Variants in NCKAP5L observed in about 807,000 individuals in gnomAD.
The protein encoded by NCKAP5L is NCK associated protein 5 like, also known as nck-associated protein 5-like.
In NCKAP5L, 54 loss-of-function variants were observed where a neutral mutation model predicts 103.2. The observed-to-expected ratio is 0.52, with a 90% CI of 0.42 to 0.66. The LOEUF is 0.66. Ranked by LOEUF, NCKAP5L falls within the 30% of genes least tolerant of loss-of-function variation. The pLI is 0.00. For missense variants in NCKAP5L, 1,733 were observed against 1,750.6 expected (o/e 0.99, Z 0.18); for synonymous variants, 762 against 748.6 (o/e 1.02, Z -0.29).
chr12:49,792,200 C>G lies in NCKAP5L; in HGVS notation c.3793-149G>C. 2 of 1,041,780 alleles carry G rather than the reference C, an allele frequency of 1.9e-6. No individual in the cohort carries two copies. The highest frequency in any genetic ancestry group is 2.8e-6 in the Non-Finnish European group (2 of 707,178). The allele number at this position is 1,041,780 out of a possible 1,614,324, so 64.5% of individuals were successfully genotyped here. On this transcript the variant is annotated intron_variant, in intron 12 of 12. Coordinates refer to ENST00000335999, the MANE Select transcript of NCKAP5L (RefSeq NM_001037806.4). The surrounding 1 kb of genome is among the most constrained non-coding windows in gnomAD (Gnocchi z 4.5). ...TGGGGTATACTTCAGAGGAAACAGG[C>G]TGGAGGTACAACTGAGAACAGTCCT...
chr12:49,803,278 C>A, intron 3 of NCKAP5L, 113 bp from the exon 4 acceptor site: 3 of 951,658 alleles, frequency 3.2e-6, no homozygotes, highest in East Asian at 2.5e-5. Flanking sequence ...TAACTATACC[C>A]CCACTCCAGC....
Position 49,795,577 on chromosome 12 carries a change from C to G in NCKAP5L, c.2283G>C (p.Val761=). ...VYSSHSMGAR[V]DLEPVSPRSC... ...TCCTTGGTGAGACAGGCTCCAGGTC[C>G]ACCCGGGCCCCCATGGAGTGAGAGG... is the stretch of plus-strand genomic sequence containing the variant. The change falls in exon 8 of 13, where the codon GTG becomes GTC. Residue 761 remains valine, a synonymous_variant. Transcript: ENST00000335999. 6.4e-7 allele frequency: 1 copy of G among 1,550,404 alleles called. No individual in the cohort carries two copies. Among genetic ancestry groups the G allele is most frequent in the Non-Finnish European group, 8.7e-7 (1 of 1,151,908 alleles).
chr12:49,796,856 G>C lies in NCKAP5L; in HGVS notation c.1004C>G (p.Thr335Arg). 6.2e-7 allele frequency: 1 copy of C among 1,612,844 alleles called. No individual in the cohort carries two copies. Residue 335 changes from threonine to arginine, a missense_variant, in exon 8 of 13, where the codon ACA becomes AGA. Thr to Arg is a moderately conservative substitution (Grantham distance 71, BLOSUM62 -1). Coordinates refer to ENST00000335999, the MANE Select transcript of NCKAP5L (RefSeq NM_001037806.4). The stretch of plus-strand genomic sequence containing the variant: ...CAGGAAGGCCTGTAGGTAAGACTCT[G>C]TGTCCTCAAGGAGCTGGCCCAGGTT... ...QLNLGQLLED[T>R]ESYLQAFLAG...
rs765745794 is a variant in NCKAP5L at position 49,793,765 on chromosome 12, G to C, written c.3227C>G (p.Pro1076Arg). The change falls in exon 9 of 13, where the codon CCT becomes CGT. Residue 1076 changes from proline to arginine, a missense_variant. Physicochemically the swap from Pro to Arg is moderately radical, Grantham distance 103 (BLOSUM62 -2). Coordinates refer to ENST00000335999, the MANE Select transcript of NCKAP5L (RefSeq NM_001037806.4). ...ACGPRNGLVG[P>R]LQGCGKPPGK... ...AGGAGGTTTTCCGCAGCCCTGAAGAGGGCCCACCAGGCCATTCCGGGGCCC... is the reference window on the plus strand; with the variant it reads ...AGGAGGTTTTCCGCAGCCCTGAAGACGGCCCACCAGGCCATTCCGGGGCCC... 1 of 1,596,360 alleles carries C rather than the reference G, an allele frequency of 6.3e-7. No homozygotes were observed. Among genetic ancestry groups the C allele is most frequent in the Non-Finnish European group, 8.5e-7 (1 of 1,171,354 alleles).
At chr12:49,819,179 G>C (rs1328405122) in intron 1 of NCKAP5L, among the ~76,000 whole-genome samples, 1 of 151,986 alleles carries the variant, frequency 6.6e-6, no homozygotes, top group Non-Finnish European at 1.5e-5. Context: ...GGGCGTGGTC[G>C]TGGGCACCTG....
intron 1 of NCKAP5L, among the ~76,000 whole-genome samples, chr12:49,818,139 A>C (rs997930717): frequency 6.6e-6 from 1 of 151,972 alleles, no homozygotes; most frequent in African/African-American, 2.4e-5. Flanking sequence ...CTTGGAAAAA[A>C]AAAAAAACAA....
rs1462638679 is a variant in NCKAP5L, at chr12:49,797,055, C to T, written c.805G>A (p.Asp269Asn). 7.6e-6 allele frequency: 12 copies of T among 1,573,866 alleles called. No homozygotes were observed. The highest frequency in any genetic ancestry group is 1.0e-5 in the Non-Finnish European group (12 of 1,160,320). The change falls in exon 8 of 13, where the codon GAC (aspartate) becomes AAC (asparagine). Residue 269 changes from aspartate to asparagine, a missense_variant. Transcript: ENST00000335999. This position sits in a 1 kb window ranked among gnomAD's most constrained non-coding sequence, Gnocchi z 4.5. ...CTAGGACCCCAGGGCCGCCCAGTGT[C>T]CTCTTCCCCTCCCAGACCCCCCAAG... ...RLLGGLGGEE[D>N]TGRPWGPSRG... is the part of the protein sequence containing the mutation.
Position 49,791,755 on chromosome 12 carries a change from C to T in NCKAP5L, c.*84G>A. On this transcript the variant is annotated 3_prime_UTR_variant, in exon 13 of 13. Coordinates refer to ENST00000335999, the MANE Select transcript of NCKAP5L (RefSeq NM_001037806.4). ...TCCTTGGTCCCTTCAGGGAGGGGTCCCCGTCTCCGGGGGCTGGGCATGAAG... is the reference window on the plus strand; with the variant it reads ...TCCTTGGTCCCTTCAGGGAGGGGTCTCCGTCTCCGGGGGCTGGGCATGAAG... The T allele has an allele frequency of 2.3e-6, 3 of 1,292,596 alleles. No individual in the cohort carries two copies. Among genetic ancestry groups the T allele is most frequent in the Non-Finnish European group, 3.1e-6 (3 of 957,890 alleles). The allele number at this position is 1,292,596 out of a possible 1,614,324, so 80.1% of individuals were successfully genotyped here. A position where few individuals can be genotyped will look rare whatever the true frequency, so the allele number is the denominator to read the frequency against.
rs752900167 is a variant in NCKAP5L at position 49,791,805 on chromosome 12, C to T, written c.*34G>A. ...GAGAGCCGGTCCAGTCTGTGGTCCC[C>T]AGCTCCAGCGGGGCCGTGGCGTGGC... is the stretch of plus-strand genomic sequence containing the variant. On this transcript the variant is annotated 3_prime_UTR_variant, in exon 13 of 13. Transcript: ENST00000335999. The T allele has an allele frequency of 6.6e-7, 1 of 1,517,992 alleles. No homozygotes were observed. Among genetic ancestry groups the T allele is most frequent in the South Asian group, 1.3e-5 (1 of 78,324 alleles). 94.0% of individuals were successfully genotyped at this position (1,517,992 alleles called of 1,614,324 possible).
intron 10 of NCKAP5L, 80 bp downstream of exon 10, chr12:49,793,272 G>A (rs887792748): frequency 2.2e-5 from 31 of 1,401,184 alleles, no homozygotes; most frequent in African/African-American, 1.1e-4. Flanking sequence ...CACCTGCTGC[G>A]GGGACGGGAA....
At chr12:49,811,544 G>T (rs751900936) in intron 1 of NCKAP5L, among the ~76,000 whole-genome samples, 1 of 151,686 alleles carries the variant, frequency 6.6e-6, no homozygotes, top group Non-Finnish European at 1.5e-5. Context: ...CCCCATTTAC[G>T]TCTTCAGTAT....
chr12:49,820,971 G>A (rs560625503), intron 1 of NCKAP5L, among the ~76,000 whole-genome samples: 1 of 152,276 alleles, frequency 6.6e-6, no homozygotes, highest in South Asian at 2.1e-4. Flanking sequence ...CCTCTCCCCT[G>A]CAGGGCACAG....
intron 8 of NCKAP5L, among the ~76,000 whole-genome samples, chr12:49,794,256 T>C (rs1945988312): frequency 6.6e-6 from 1 of 152,196 alleles, no homozygotes; most frequent in Non-Finnish European, 1.5e-5. Flanking sequence ...TGAGCACACC[T>C]GCGGTCCAAA....
In NCKAP5L at chr12:49,795,384, C is replaced by T. The variant is rs755203588; in HGVS notation, c.2476G>A (p.Val826Met). The T allele has an allele frequency of 1.0e-5, 16 of 1,569,918 alleles. No homozygotes were observed. Among genetic ancestry groups the T allele is most frequent in the Non-Finnish European group, 1.4e-5 (16 of 1,162,396 alleles). Residue 826 changes from valine (V) to methionine (M), a missense_variant, in exon 8 of 13, where the codon GTG (valine) becomes ATG (methionine). By Grantham distance (21) the Val-to-Met change is conservative. Transcript: ENST00000335999. The stretch of plus-strand genomic sequence containing the variant: ...AGCGGAGCCCCAGGTCGAGGCACCA[C>T]CTTGGTTGGTGACTTGGAAGGGAGC... ...TKLPSKSPTK[V>M]VPRPGAPLVT... is the part of the protein sequence containing the mutation.
intron 1 of NCKAP5L, among the ~76,000 whole-genome samples, chr12:49,820,804 C>T (rs1486883101): frequency 6.6e-6 from 1 of 152,210 alleles, no homozygotes; most frequent in African/African-American, 2.4e-5. Context: ...CCCCACTGGG[C>T]TCTGCTCTTG....
At chr12:49,808,932 T>C (rs541890732) in intron 1 of NCKAP5L, among the ~76,000 whole-genome samples, 5 of 152,040 alleles carry the variant, frequency 3.3e-5, no homozygotes, top group Non-Finnish European at 7.4e-5. Context: ...CCCGCCGGAA[T>C]TGCCATCCAC....
intron 5 of NCKAP5L, 86 bp downstream of exon 5, chr12:49,802,872 G>A: frequency 6.9e-7 from 1 of 1,452,414 alleles, no homozygotes; most frequent in Non-Finnish European, 9.4e-7. Flanking sequence ...GAGGGCAACA[G>A]CCCATGTCCT....
chr12:49,826,444 G>T (rs1039620916), intron 1 of NCKAP5L, among the ~76,000 whole-genome samples: 6 of 152,126 alleles, frequency 3.9e-5, no homozygotes, highest in African/African-American at 1.4e-4. Context: ...GTGGGACAAG[G>T]TCTACTCTCA....
chr12:49,823,359 C>A (rs1946381599), intron 1 of NCKAP5L, among the ~76,000 whole-genome samples: 1 of 152,108 alleles, frequency 6.6e-6, no homozygotes, highest in Admixed American at 6.5e-5. Flanking sequence ...ACAGCTCCCC[C>A]ATCAAGCCAG....
Sources: allele counts gnomAD v4.1 joint callset (sites outside exome capture counted in the v4.1 genomes callset), GRCh38; gene constraint gnomAD v4.1.1; non-coding constraint Gnocchi (gnomAD v3.1); transcripts MANE v1.5; gene names NCBI Gene and HGNC (gene_info 2026-07-23, HGNC 2026-07-21).